Variants in ADCY8 observed in about 807,000 individuals in gnomAD.
ADCY8 encodes the protein adenylate cyclase type 8.
In ADCY8, 51 loss-of-function variants were observed where a neutral mutation model predicts 119.7. The ratio of observed to expected loss-of-function variants is 0.43; its 90% CI spans 0.34 to 0.54. The LOEUF is 0.54. ADCY8 is among the 20% of genes least tolerant of loss of function. ADCY8 has a pLI of 0.03. For missense variants in ADCY8, 1,383 were observed against 1,598.8 expected, an observed-to-expected ratio of 0.87 and a Z score of 2.30; for synonymous variants, 665 against 651.0, an observed-to-expected ratio of 1.02 and a Z score of -0.33.
chr8:131,025,792 C>T (rs1823804958), intron 1 of ADCY8, among the ~76,000 whole-genome samples: 1 of 152,246 alleles, frequency 6.6e-6, no homozygotes, highest in Admixed American at 6.5e-5. Context: ...CCCCTGAGAA[C>T]AAGTGCTTCT....
chr8:130,981,101 C>T (rs1382601641), intron 2 of ADCY8, among the ~76,000 whole-genome samples: 1 of 152,126 alleles, frequency 6.6e-6, no homozygotes, highest in East Asian at 1.9e-4. Context: ...CTACACTATA[C>T]TCAAAACTTT....
At chr8:130,976,903 C>A (rs1251525053) in intron 2 of ADCY8, among the ~76,000 whole-genome samples, 2 of 152,104 alleles carry the variant, frequency 1.3e-5, no homozygotes, top group South Asian at 2.1e-4. Context: ...ATCAAAACAA[C>A]CTTGGTAGGA....
At chr8:130,872,714 G>T (rs1428032485) in intron 8 of ADCY8, among the ~76,000 whole-genome samples, 6 of 152,156 alleles carry the variant, frequency 3.9e-5, no homozygotes, top group Non-Finnish European at 8.8e-5. Context: ...TTTTAGGCCA[G>T]GATGGGTGAA....
chr8:130,908,209 C>G (rs1193543883), intron 6 of ADCY8, among the ~76,000 whole-genome samples: 1 of 152,168 alleles, frequency 6.6e-6, no homozygotes, highest in East Asian at 1.9e-4. Flanking sequence ...TACAAACCCC[C>G]AAAGCATCCT....
chr8:130,957,424 G>A (rs1821463275), intron 2 of ADCY8, among the ~76,000 whole-genome samples: 1 of 152,180 alleles, frequency 6.6e-6, no homozygotes, highest in Non-Finnish European at 1.5e-5. Flanking sequence ...AAGGCATTCA[G>A]TTTTATAAGG....
rs200821614 is a variant in ADCY8, at chr8:130,821,332, G to C, written c.2754+10C>G. On this transcript the variant is annotated intron_variant, in intron 13 of 17. Transcript: ENST00000286355. ...GGTAACAGAGCAGTCAGAGCGAAAT[G>C]TTAGATTACCTGCTGTCCATGGTAG... is the stretch of plus-strand genomic sequence containing the variant. The C allele has an allele frequency of 1.2e-5, 20 of 1,611,304 alleles. No individual in the cohort carries two copies. The highest frequency in any genetic ancestry group is 1.7e-5 in the Non-Finnish European group (20 of 1,177,804).
At chr8:130,812,584 T>TTCTGTTAG (rs1816203543) in intron 14 of ADCY8, among the ~76,000 whole-genome samples, 3 of 152,110 alleles carry the variant, frequency 2.0e-5, no homozygotes, top group Non-Finnish European at 4.4e-5. Flanking sequence ...GCCAAGAAAC[T>TTCTGTTAG]CCTGGGCCTA....
In ADCY8 at chr8:130,846,552, C is replaced by A. The variant is rs1164178721; in HGVS notation, c.2502+872G>T. On this transcript the variant is annotated intron_variant, in intron 11 of 17. Transcript: ENST00000286355. ...CCTCCCTTCCTTCCTTCCTTCATTC[C>A]TTCATTCCTTCCTTCCTTCCCCTTC... Among the ~76,000 whole-genome samples, 106 of 124,318 alleles carry A rather than the reference C, an allele frequency of 8.5e-4. 1 individual carries two copies. Among genetic ancestry groups the A allele is most frequent in the Middle Eastern group, 4.6e-3 (1 of 218 alleles). The allele number at this position is 124,318 out of a possible 152,430, so 81.6% of individuals were successfully genotyped here. A position where few individuals can be genotyped will look rare whatever the true frequency, so the allele number is the denominator to read the frequency against.
intron 7 of ADCY8, among the ~76,000 whole-genome samples, chr8:130,889,854 G>T (rs1327289450): frequency 6.6e-6 from 1 of 152,130 alleles, no homozygotes; most frequent in Admixed American, 6.5e-5. Flanking sequence ...ATTGAAACAT[G>T]TAGCATCTAG....
At chr8:130,807,346 C>T (rs1440874895) in intron 14 of ADCY8, among the ~76,000 whole-genome samples, 1 of 152,206 alleles carries the variant, frequency 6.6e-6, no homozygotes, top group Non-Finnish European at 1.5e-5. Context: ...AATGTCACCT[C>T]CTTAGAGAGA....
intron 1 of ADCY8, among the ~76,000 whole-genome samples, chr8:131,018,245 T>A (rs1420138230): frequency 6.6e-6 from 1 of 152,206 alleles, no homozygotes; most frequent in Non-Finnish European, 1.5e-5. Context: ...TTCTTTCCCC[T>A]CCTTTTGTTA....
At chr8:130,829,321 G>A (rs1225444843) in intron 12 of ADCY8, among the ~76,000 whole-genome samples, 1 of 152,138 alleles carries the variant, frequency 6.6e-6, no homozygotes, top group African/African-American at 2.4e-5. Flanking sequence ...CTAATCTTGT[G>A]GCTAGTTTCT....
intron 15 of ADCY8, among the ~76,000 whole-genome samples, chr8:130,786,802 C>T (rs1255952360): frequency 6.6e-6 from 1 of 152,092 alleles, no homozygotes; most frequent in Non-Finnish European, 1.5e-5. Flanking sequence ...CCATTTTGAT[C>T]TAATCTGAAG....
At chr8:130,864,055 C>T (rs1818032998) in intron 9 of ADCY8, among the ~76,000 whole-genome samples, 1 of 152,076 alleles carries the variant, frequency 6.6e-6, no homozygotes, top group Non-Finnish European at 1.5e-5. Flanking sequence ...TATTTTTTCT[C>T]TGCTTATAAA....
intron 13 of ADCY8, among the ~76,000 whole-genome samples, chr8:130,817,106 T>C (rs1165682806): frequency 6.6e-6 from 1 of 152,166 alleles, no homozygotes. Flanking sequence ...AATAATCACA[T>C]TATAGGTGGT....
At chr8:130,934,264 G>A (rs1325687355) in intron 5 of ADCY8, among the ~76,000 whole-genome samples, 1 of 152,190 alleles carries the variant, frequency 6.6e-6, no homozygotes, top group African/African-American at 2.4e-5. Flanking sequence ...TTAACAAGTA[G>A]TTCCACGGGC....
At chr8:131,019,839 G>C (rs199717790) in intron 1 of ADCY8, among the ~76,000 whole-genome samples, 13,783 of 70,664 alleles carry the variant, frequency 0.2, 745 homozygotes, top group Admixed American at 0.23. Context: ...CTCTCTCTCT[G>C]TCTGTCTCTC....
At chr8:130,904,923 G>C (rs1250884959) in intron 6 of ADCY8, among the ~76,000 whole-genome samples, 1 of 152,174 alleles carries the variant, frequency 6.6e-6, no homozygotes, top group Non-Finnish European at 1.5e-5. Flanking sequence ...GGGTAGACTA[G>C]CAAGGTAAGG....
intron 9 of ADCY8, among the ~76,000 whole-genome samples, chr8:130,857,689 A>G (rs1480171973): frequency 6.6e-6 from 1 of 152,196 alleles, no homozygotes; most frequent in Non-Finnish European, 1.5e-5. Flanking sequence ...TTGTGTTGAT[A>G]GCATCCTCTG....
Sources: gnomAD v4.1 joint callset for allele counts (sites outside exome capture counted in the v4.1 genomes callset) on GRCh38, gnomAD v4.1.1 for gene constraint, MANE v1.5 for transcripts, NCBI Gene and HGNC (gene_info 2026-07-23, HGNC 2026-07-21) for gene names.